Variants in RNF150 observed in about 807,000 individuals in gnomAD.
RNF150 encodes the protein ring finger protein 150.
RNF150 carries 24 observed loss-of-function variants against 39.3 expected under a neutral mutation model. That is an observed-to-expected ratio of 0.61 (90% CI 0.44 to 0.86). The LOEUF is 0.86. Ranked by LOEUF, RNF150 falls within the 40% of genes least tolerant of loss-of-function variation. RNF150 has a pLI of 0.00. For synonymous variants in RNF150, 255 were observed against 227.3 expected (o/e 1.12, Z -1.10); for missense variants, 502 against 587.8 (o/e 0.85, Z 1.51).
At chr4:141,003,336 T>G (rs1448134969) in intron 1 of RNF150, among the ~76,000 whole-genome samples, 3 of 152,092 alleles carry the variant, frequency 2.0e-5, no homozygotes, top group Non-Finnish European at 4.4e-5. Context: ...AGGCAGTGCC[T>G]CTCCACCCCA....
intron 1 of RNF150, among the ~76,000 whole-genome samples, chr4:141,151,180 G>A (rs1433985462): frequency 6.6e-6 from 1 of 152,052 alleles, no homozygotes. Context: ...CTGGCCTCAA[G>A]CAATCCTCTA....
intron 1 of RNF150, among the ~76,000 whole-genome samples, chr4:141,004,184 T>C (rs12643985): frequency 0.14 from 21,741 of 151,396 alleles, 1,844 homozygotes; most frequent in East Asian, 0.35. Context: ...ACATGATCCC[T>C]ACTTTCATGG....
At chr4:141,138,269 T>G (rs902569794), upstream of RNF150, among the ~76,000 whole-genome samples, 2 of 152,216 alleles carry the variant, frequency 1.3e-5, no homozygotes, top group East Asian at 3.8e-4. Flanking sequence ...TGATCTGTAT[T>G]ATATTTTTCA....
intron 5 of RNF150, among the ~76,000 whole-genome samples, chr4:140,916,889 A>G (rs564566020): frequency 8.5e-5 from 13 of 152,350 alleles, no homozygotes; most frequent in Admixed American, 5.2e-4. Flanking sequence ...GCCAATATTC[A>G]ATATTCTTAA....
chr4:140,888,507 C>T (rs1328117008), intron 6 of RNF150, among the ~76,000 whole-genome samples: 1 of 152,192 alleles, frequency 6.6e-6, no homozygotes, highest in East Asian at 1.9e-4. Context: ...GAACAAAAAA[C>T]AGAATTTGTA....
intron 1 of RNF150, among the ~76,000 whole-genome samples, chr4:141,146,739 C>A (rs1187624498): frequency 6.6e-6 from 1 of 152,130 alleles, no homozygotes. Flanking sequence ...CACCAAATGA[C>A]CTTGCTGGAC....
intron 1 of RNF150, among the ~76,000 whole-genome samples, chr4:141,170,515 G>A (rs534867954): frequency 4.0e-4 from 61 of 152,190 alleles, no homozygotes; most frequent in Admixed American, 2.0e-3. Context: ...GATATAGTTC[G>A]TATTCTGCTT....
intron 1 of RNF150, among the ~76,000 whole-genome samples, chr4:141,080,712 C>A (rs1039505382): frequency 6.6e-6 from 1 of 152,168 alleles, no homozygotes; most frequent in Non-Finnish European, 1.5e-5. Context: ...TGTCAGCTGT[C>A]ACCATCTAAG....
At chr4:140,918,662 G>A (rs1730958815) in intron 5 of RNF150, among the ~76,000 whole-genome samples, 1 of 151,740 alleles carries the variant, frequency 6.6e-6, no homozygotes, top group African/African-American at 2.4e-5. Context: ...ACAAAAAGAG[G>A]AAATCCTCCC....
intron 1 of RNF150, among the ~76,000 whole-genome samples, chr4:141,012,184 C>G (rs1322833764): frequency 6.6e-6 from 1 of 152,192 alleles, no homozygotes; most frequent in Non-Finnish European, 1.5e-5. Flanking sequence ...ATGAAAGCTC[C>G]CAAGGCAGCT....
intron 1 of RNF150, among the ~76,000 whole-genome samples, chr4:140,998,373 C>T (rs989958935): frequency 6.6e-6 from 1 of 152,104 alleles, no homozygotes; most frequent in African/African-American, 2.4e-5. Context: ...TCAGGTGTGC[C>T]ACACACAGAG....
At position 140,990,225 on chromosome 4, in the gene RNF150, A is replaced by G. The variant is rs145873094; in HGVS notation, c.485-22352T>C. Among the ~76,000 whole-genome samples the G allele has an allele frequency of 2.6e-3, 399 of 152,232 alleles. 2 individuals carry two copies. The highest frequency in any genetic ancestry group is 4.8e-3 in the Non-Finnish European group (328 of 68,016). ...CCTGTACAACCAGTGCAGAGTATTC[A>G]TTGTCTGGTCCTAATGGTTTCCCTT... On this transcript the variant is annotated intron_variant, in intron 1 of 6. Coordinates refer to ENST00000515673, the MANE Select transcript of RNF150 (RefSeq NM_020724.2).
intron 2 of RNF150, among the ~76,000 whole-genome samples, chr4:140,960,040 T>C (rs1468601165): frequency 3.3e-5 from 5 of 152,100 alleles, no homozygotes; most frequent in Non-Finnish European, 7.4e-5. Context: ...CACATCAAAA[T>C]ACCTACCTGG....
At chr4:140,990,476 C>T (rs1734156225) in intron 1 of RNF150, among the ~76,000 whole-genome samples, 1 of 152,000 alleles carries the variant, frequency 6.6e-6, no homozygotes, top group Admixed American at 6.6e-5. Context: ...ACTGTTTTTC[C>T]TAATGCTATC....
At chr4:140,899,970 C>CTGTGTGTG (rs777164803) in intron 6 of RNF150, among the ~76,000 whole-genome samples, 54 of 135,394 alleles carry the variant, frequency 4.0e-4, no homozygotes, top group African/African-American at 1.6e-3. Context: ...CTCTCTCTCT[C>CTGTGTGTG]TCTCTGTGTG....
intron 1 of RNF150, among the ~76,000 whole-genome samples, chr4:141,028,488 G>A (rs181455495): frequency 6.6e-6 from 1 of 152,222 alleles, no homozygotes; most frequent in Admixed American, 6.5e-5. Context: ...TGCCATAATC[G>A]TTATAGGCAG....
At chr4:140,945,562 T>C (rs1219507354) in intron 4 of RNF150, among the ~76,000 whole-genome samples, 1 of 146,964 alleles carries the variant, frequency 6.8e-6, no homozygotes, top group East Asian at 2.0e-4. Flanking sequence ...TACATATATA[T>C]ATACATATAT....
intron 1 of RNF150, among the ~76,000 whole-genome samples, chr4:141,070,856 A>C (rs555696487): frequency 6.7e-6 from 1 of 150,314 alleles, no homozygotes; most frequent in African/African-American, 2.5e-5. Context: ...TAGAAATACC[A>C]TTTGACCCAG....
At chr4:140,959,181 C>G (rs1732912624) in intron 2 of RNF150, among the ~76,000 whole-genome samples, 2 of 152,258 alleles carry the variant, frequency 1.3e-5, no homozygotes, top group South Asian at 2.1e-4. Flanking sequence ...GCTTAAGACT[C>G]TGATTCTACT....
Sources: gnomAD v4.1 joint callset for allele counts (sites outside exome capture counted in the v4.1 genomes callset) on GRCh38, gnomAD v4.1.1 for gene constraint, MANE v1.5 for transcripts, NCBI Gene and HGNC (gene_info 2026-07-23, HGNC 2026-07-21) for gene names.